CBFA2T3: variants seen among roughly 807,000 people sequenced by gnomAD.
CBFA2T3 encodes transcriptional corepressor CBFA2T3.
Under a neutral mutation model 58.6 loss-of-function variants are expected in CBFA2T3, and 31 were observed. That is an observed-to-expected ratio of 0.53 (90% CI 0.40 to 0.71). CBFA2T3 has a LOEUF of 0.71. CBFA2T3 is among the 30% of genes least tolerant of loss of function. The pLI is 0.00. For synonymous variants in CBFA2T3, 531 were observed against 421.9 expected (o/e 1.26, Z -3.17); for missense variants, 1,076 against 963.1 (o/e 1.12, Z -1.55).
intron 1 of CBFA2T3, among the ~76,000 whole-genome samples, chr16:88,921,520 G>T (rs1026925990): frequency 1.3e-5 from 2 of 151,622 alleles, no homozygotes; most frequent in African/African-American, 4.9e-5. Context: ...CCCTGGGTGG[G>T]GTCCAGCCCC....
chr16:88,895,780 CCAGA>C (rs1969866180), intron 3 of CBFA2T3, among the ~76,000 whole-genome samples: 1 of 152,018 alleles, frequency 6.6e-6, no homozygotes, highest in Admixed American at 6.5e-5. Flanking sequence ...GTGAGGAAGT[CCAGA>C]CAGACACGGC....
At chr16:88,890,074 C>T (rs1333832321) in intron 5 of CBFA2T3, among the ~76,000 whole-genome samples, 2 of 149,958 alleles carry the variant, frequency 1.3e-5, no homozygotes, top group Non-Finnish European at 3.0e-5. Context: ...GGACGATGCC[C>T]CGCGATTCCT....
At chr16:88,879,658 G>A (rs191605223) in intron 10 of CBFA2T3, 198 bp from the exon 11 acceptor site, 35 of 561,960 alleles carry the variant, frequency 6.2e-5, no homozygotes, top group African/African-American at 9.3e-5. Context: ...ACAGACACAC[G>A]TTGATGGCCC....
chr16:88,970,981 G>A (rs1567641525), intron 1 of CBFA2T3, among the ~76,000 whole-genome samples: 1 of 152,160 alleles, frequency 6.6e-6, no homozygotes, highest in South Asian at 2.1e-4. Context: ...GCACGGGCTC[G>A]GGAGGCTTGT....
chr16:88,905,903 C>A (rs1970309955), intron 1 of CBFA2T3, among the ~76,000 whole-genome samples: 1 of 151,852 alleles, frequency 6.6e-6, no homozygotes, highest in African/African-American at 2.4e-5. Context: ...CCCTGGACAC[C>A]CATTTCCTTG....
At chr16:88,931,733 C>T (rs982437482) in intron 1 of CBFA2T3, among the ~76,000 whole-genome samples, 13 of 152,110 alleles carry the variant, frequency 8.5e-5, no homozygotes, top group African/African-American at 3.1e-4. Context: ...CTCTGGTCAC[C>T]CCAGTCCTGG....
chr16:88,903,664 G>GT (rs1329347214), intron 1 of CBFA2T3, among the ~76,000 whole-genome samples: 2 of 136,688 alleles, frequency 1.5e-5, no homozygotes, highest in African/African-American at 2.7e-5. Flanking sequence ...CCGGCTGGGG[G>GT]GGGGGGCGTT....
chr16:88,936,270 C>A (rs766055424), intron 1 of CBFA2T3, among the ~76,000 whole-genome samples: 2 of 152,130 alleles, frequency 1.3e-5, no homozygotes, highest in Non-Finnish European at 2.9e-5. Context: ...TCCTGGTCTC[C>A]GGCAGGTCCC....
chr16:88,928,113 C>G (rs574899656), intron 1 of CBFA2T3, among the ~76,000 whole-genome samples: 2 of 152,324 alleles, frequency 1.3e-5, no homozygotes, highest in East Asian at 3.9e-4. Context: ...CACCACGGGG[C>G]CATCACTGTC....
At chr16:88,901,128 G>A (rs972377018) in intron 2 of CBFA2T3, among the ~76,000 whole-genome samples, 3 of 152,266 alleles carry the variant, frequency 2.0e-5, no homozygotes, top group Admixed American at 2.0e-4. Context: ...CTCTCTGGAT[G>A]AGCCTGGCAT....
At chr16:88,916,176 A>T (rs116932393) in intron 1 of CBFA2T3, among the ~76,000 whole-genome samples, 1,540 of 145,438 alleles carry the variant, frequency 0.011, 7 homozygotes, top group Non-Finnish European at 0.016. Flanking sequence ...GCGTGTATTC[A>T]TGTGTGCGCA....
At chr16:88,956,280 C>T (rs1181330962) in intron 1 of CBFA2T3, among the ~76,000 whole-genome samples, 7 of 152,286 alleles carry the variant, frequency 4.6e-5, no homozygotes, top group South Asian at 4.1e-4. Context: ...ACCTGCATCA[C>T]GGGAGAACCC....
intron 2 of CBFA2T3, among the ~76,000 whole-genome samples, chr16:88,898,540 G>A (rs1969979463): frequency 1.3e-5 from 2 of 152,222 alleles, no homozygotes; most frequent in South Asian, 4.1e-4. Flanking sequence ...AAGAACCGCG[G>A]CTTCTCTATG....
At chr16:88,902,865 G>C (rs967556867) in intron 1 of CBFA2T3, among the ~76,000 whole-genome samples, 1 of 152,084 alleles carries the variant, frequency 6.6e-6, no homozygotes, top group Non-Finnish European at 1.5e-5. Flanking sequence ...TCTCACCCAC[G>C]ACTGCCCCGC....
intron 1 of CBFA2T3, among the ~76,000 whole-genome samples, chr16:88,961,190 G>A (rs145328750): frequency 6.6e-6 from 1 of 152,180 alleles, no homozygotes; most frequent in East Asian, 1.9e-4. Flanking sequence ...TGTAAAGAAG[G>A]GGGCCTGTGG....
At chr16:88,889,375 G>T in intron 5 of CBFA2T3, among the ~76,000 whole-genome samples, 1 of 134,282 alleles carries the variant, frequency 7.4e-6, no homozygotes, top group African/African-American at 2.8e-5. Context: ...GCGGAGGGAG[G>T]GAGGGCAGGA....
At chr16:88,929,364 C>A (rs1467936630) in intron 1 of CBFA2T3, among the ~76,000 whole-genome samples, 1 of 152,206 alleles carries the variant, frequency 6.6e-6, no homozygotes, top group African/African-American at 2.4e-5. Flanking sequence ...CGGGAGGACC[C>A]GGTGACAGCA....
chr16:88,923,085 CCCA>C (rs1392515917), intron 1 of CBFA2T3, among the ~76,000 whole-genome samples: 4 of 152,186 alleles, frequency 2.6e-5, no homozygotes, highest in African/African-American at 9.7e-5. Flanking sequence ...CTCCAAATAC[CCCA>C]CGTCTCCCCA....
At chr16:88,903,664 G>C (rs1202640670) in intron 1 of CBFA2T3, among the ~76,000 whole-genome samples, 2 of 136,688 alleles carry the variant, frequency 1.5e-5, no homozygotes, top group Admixed American at 7.1e-5. Flanking sequence ...CCGGCTGGGG[G>C]GGGGGGCGTT....
Sources: allele counts gnomAD v4.1 joint callset (sites outside exome capture counted in the v4.1 genomes callset), GRCh38; gene constraint gnomAD v4.1.1; transcripts MANE v1.5; gene names NCBI Gene and HGNC (gene_info 2026-07-23, HGNC 2026-07-21).